NEGR1: variants seen among roughly 807,000 people sequenced by gnomAD.
NEGR1 encodes neuronal growth regulator 1, also known as IgLON family member 4.
NEGR1 carries 10 observed loss-of-function variants against 40.9 expected under a neutral mutation model. The ratio of observed to expected loss-of-function variants is 0.24; its 90% CI spans 0.15 to 0.42. The LOEUF is 0.42. NEGR1 is among the 10% of genes least tolerant of loss of function. The pLI is 1.00. For missense variants in NEGR1, 352 were observed against 438.9 expected (o/e 0.80, Z 1.77); for synonymous variants, 185 against 166.8 (o/e 1.11, Z -0.84).
intron 4 of NEGR1, among the ~76,000 whole-genome samples, chr1:71,650,144 T>G (rs1359707654): frequency 6.6e-6 from 1 of 152,118 alleles, no homozygotes. Flanking sequence ...AAAGATGAAC[T>G]GCAGAAAAGC....
intron 4 of NEGR1, among the ~76,000 whole-genome samples, chr1:71,628,194 A>G (rs1167547636): frequency 6.6e-6 from 1 of 152,086 alleles, no homozygotes; most frequent in Non-Finnish European, 1.5e-5. Context: ...GGTCAAGGAT[A>G]GATTAAAATG....
chr1:71,599,874 A>G (rs1192129501), intron 5 of NEGR1, among the ~76,000 whole-genome samples: 1 of 152,202 alleles, frequency 6.6e-6, no homozygotes, highest in Non-Finnish European at 1.5e-5. Flanking sequence ...TACAGTACAG[A>G]TGTCAAGCCT....
intron 2 of NEGR1, among the ~76,000 whole-genome samples, chr1:71,867,211 T>C (rs982033432): frequency 3.9e-5 from 6 of 152,038 alleles, no homozygotes; most frequent in African/African-American, 1.4e-4. Flanking sequence ...CTATCTCTAC[T>C]AAAAATACAA....
rs34177437 is a variant in NEGR1, at chr1:71,857,457, C to CAAA, written c.409+77619_409+77621dup. The stretch of plus-strand genomic sequence containing the variant: ...TCAAATCCTATCTCTACAAAAAATA[C>CAAA]AAAAAAAAAAAAAAAAAAAAATTAG... On this transcript the variant is annotated intron_variant, in intron 2 of 6. Transcript: ENST00000357731. 8.0e-3 allele frequency among the ~76,000 whole-genome samples: 617 copies of CAAA among 77,610 alleles called. 4 individuals are homozygous for CAAA. Among genetic ancestry groups the CAAA allele is most frequent in the African/African-American group, 0.031 (578 of 18,508 alleles). The allele number at this position is 77,610 out of a possible 152,430, so 50.9% of individuals were successfully genotyped here.
intron 1 of NEGR1, among the ~76,000 whole-genome samples, chr1:72,260,940 T>C (rs1376114365): frequency 4.6e-5 from 7 of 152,066 alleles, no homozygotes; most frequent in Non-Finnish European, 8.8e-5. Context: ...AAACATAAAA[T>C]GTCTGTCCAT....
chr1:71,794,683 GAA>G (rs1657255021), intron 2 of NEGR1: 1 of 151,912 alleles, frequency 6.6e-6, no homozygotes. Context: ...ATTGAAGTTG[GAA>G]AAAGAGTAAG....
chr1:72,102,752 C>G (rs1163602086), intron 1 of NEGR1, among the ~76,000 whole-genome samples: 1 of 152,024 alleles, frequency 6.6e-6, no homozygotes, highest in East Asian at 1.9e-4. Flanking sequence ...CATTTATATT[C>G]ACTTATAAAG....
intron 1 of NEGR1, among the ~76,000 whole-genome samples, chr1:72,123,064 TTTA>T (rs1309093740): frequency 3.3e-5 from 5 of 152,046 alleles, no homozygotes; most frequent in African/African-American, 1.2e-4. Flanking sequence ...TGCCAGAAAT[TTTA>T]TTTAGGGAGC....
chr1:71,511,244 G>C (rs1647070775), intron 6 of NEGR1, among the ~76,000 whole-genome samples: 1 of 152,204 alleles, frequency 6.6e-6, no homozygotes, highest in South Asian at 2.1e-4. Flanking sequence ...GCTGAAGTAA[G>C]TTTTGAGAAT....
chr1:71,759,648 C>T (rs967714870), intron 3 of NEGR1, among the ~76,000 whole-genome samples: 1 of 121,212 alleles, frequency 8.3e-6, no homozygotes, highest in South Asian at 2.8e-4. Flanking sequence ...CCCACTCTGT[C>T]GCCCAGGCTG....
intron 1 of NEGR1, among the ~76,000 whole-genome samples, chr1:72,193,171 T>C (rs183554783): frequency 2.0e-5 from 3 of 151,904 alleles, no homozygotes; most frequent in Non-Finnish European, 1.5e-5. Flanking sequence ...TTGCAGATGA[T>C]TGAATGTGTA....
At chr1:72,103,068 T>G (rs2100249233) in intron 1 of NEGR1, among the ~76,000 whole-genome samples, 1 of 152,256 alleles carries the variant, frequency 6.6e-6, no homozygotes, top group South Asian at 2.1e-4. Flanking sequence ...GTTTTTATTT[T>G]TATTTATCTT....
At chr1:71,996,355 T>C (rs1338072248) in intron 1 of NEGR1, among the ~76,000 whole-genome samples, 1 of 152,150 alleles carries the variant, frequency 6.6e-6, no homozygotes, top group Non-Finnish European at 1.5e-5. Flanking sequence ...GCTACCCTAC[T>C]AGAAATAAGC....
At chr1:71,502,879 C>T (rs149167206) in intron 6 of NEGR1, among the ~76,000 whole-genome samples, 70 of 152,220 alleles carry the variant, frequency 4.6e-4, no homozygotes, top group African/African-American at 1.3e-3. Flanking sequence ...TCAGTTCTCC[C>T]GCAAGGGAAA....
At chr1:72,132,652 C>A (rs903501030) in intron 1 of NEGR1, among the ~76,000 whole-genome samples, 3 of 152,108 alleles carry the variant, frequency 2.0e-5, no homozygotes, top group African/African-American at 7.2e-5. Context: ...GTGAGAAGAG[C>A]AATACCTACT....
At chr1:71,499,156 G>A (rs1301316844) in intron 6 of NEGR1, among the ~76,000 whole-genome samples, 3 of 152,120 alleles carry the variant, frequency 2.0e-5, no homozygotes, top group Admixed American at 2.0e-4. Flanking sequence ...GTCATTAGGT[G>A]TCTAACAGAA....
chr1:72,131,495 T>C (rs1650248012), intron 1 of NEGR1, among the ~76,000 whole-genome samples: 1 of 152,170 alleles, frequency 6.6e-6, no homozygotes. Context: ...CACAAATATC[T>C]TATTCTCAAA....
chr1:71,837,238 C>T (rs1294121075), intron 2 of NEGR1, among the ~76,000 whole-genome samples: 1 of 152,058 alleles, frequency 6.6e-6, no homozygotes, highest in Non-Finnish European at 1.5e-5. Context: ...TCCAAAAGGA[C>T]TTCTCTATAT....
At chr1:71,751,561 T>C (rs868598545) in intron 3 of NEGR1, among the ~76,000 whole-genome samples, 16 of 152,308 alleles carry the variant, frequency 1.1e-4, no homozygotes, top group Middle Eastern at 3.4e-3. Context: ...CCACTGTTTG[T>C]TTCTTGTGCT....
Sources: gnomAD v4.1 joint callset for allele counts (sites outside exome capture counted in the v4.1 genomes callset) on GRCh38, gnomAD v4.1.1 for gene constraint, MANE v1.5 for transcripts, NCBI Gene and HGNC (gene_info 2026-07-23, HGNC 2026-07-21) for gene names.